ANO8: variants seen among roughly 807,000 people sequenced by gnomAD.
ANO8 encodes the protein anoctamin-8.
ANO8 carries 67 observed loss-of-function variants against 120.4 expected under a neutral mutation model. That is an observed-to-expected ratio of 0.56 (90% CI 0.46 to 0.68). The LOEUF (loss-of-function observed/expected upper bound fraction) is 0.68. Ranked by LOEUF, ANO8 falls within the 30% of genes least tolerant of loss-of-function variation. The probability of loss-of-function intolerance (pLI) is 0.00; values close to 1 mark genes in which losing one functional copy is unlikely to be tolerated. For synonymous variants in ANO8, 727 were observed against 759.2 expected (o/e 0.96, Z 0.70); for missense variants, 1,526 against 1,737.6 (o/e 0.88, Z 2.16).
Position 17,328,809 on chromosome 19 carries a change from C to G in ANO8, c.1579G>C (p.Glu527Gln). Residue 527 changes from glutamate to glutamine, a missense_variant, in exon 13 of 18, where the codon GAA becomes CAA. Coordinates refer to ENST00000159087, the MANE Select transcript of ANO8 (RefSeq NM_020959.3). ...SLRRPAPRRL[E>Q]PQADEGGGGG... ...CCCCCGCCCTCATCCGCCTGGGGTT[C>G]GAGGCGGCGGGGCGCAGGGCGCCGG... 7.1e-7 allele frequency: 1 copy of G among 1,398,998 alleles called. No homozygotes were observed. The highest frequency in any genetic ancestry group is 9.2e-7 in the Non-Finnish European group (1 of 1,081,308). The allele number at this position is 1,398,998 out of a possible 1,614,324, so 86.7% of individuals were successfully genotyped here. A position where few individuals can be genotyped will look rare whatever the true frequency, so the allele number is the denominator to read the frequency against.
At chr19:17,332,405 C>T (rs2074325924) in intron 5 of ANO8, among the ~76,000 whole-genome samples, 1 of 152,118 alleles carries the variant, frequency 6.6e-6, no homozygotes, top group African/African-American at 2.4e-5. Context: ...CGCCTGTTCC[C>T]CTGCTTTAAA....
At chr19:17,334,294 G>A (rs2145693580) in intron 1 of ANO8, among the ~76,000 whole-genome samples, 1 of 152,266 alleles carries the variant, frequency 6.6e-6, no homozygotes, top group East Asian at 1.9e-4. Context: ...CACATCCCTG[G>A]CCCGCCGCGA....
Position 17,323,923 on chromosome 19 carries a change from C to T in ANO8, c.3332-39G>A, listed in dbSNP as rs552570603. 1,178 of 1,103,724 alleles carry T rather than the reference C, an allele frequency of 1.1e-3. 3 individuals are homozygous for T. Among genetic ancestry groups the T allele is most frequent in the Admixed American group, 3.6e-3 (70 of 19,646 alleles). 68.4% of individuals were successfully genotyped at this position (1,103,724 alleles called of 1,614,324 possible). ...AGGGGCCGTTCCGGGGGGATGCCGC[C>T]CCCGCCGGACCCCGCCGGGCTGGCA... On this transcript the variant is annotated intron_variant, in intron 17 of 17. Coordinates refer to ENST00000159087, the MANE Select transcript of ANO8 (RefSeq NM_020959.3).
intron 5 of ANO8, 32 bp downstream of exon 5, chr19:17,332,898 C>T: frequency 6.2e-7 from 1 of 1,611,084 alleles, no homozygotes; most frequent in Non-Finnish European, 8.5e-7. Context: ...CAACTCTCTG[C>T]CTGTGATTGG....
intron 13 of ANO8, 88 bp from the exon 14 acceptor site, chr19:17,327,968 G>A: frequency 6.5e-7 from 1 of 1,526,940 alleles, no homozygotes; most frequent in South Asian, 1.3e-5. Flanking sequence ...ATTATCCCAT[G>A]TGGACCCAGG....
intron 16 of ANO8, 141 bp from the exon 17 acceptor site, chr19:17,325,527 C>T: frequency 8.0e-7 from 1 of 1,252,174 alleles, no homozygotes; most frequent in African/African-American, 1.5e-5. Flanking sequence ...TCCCTGCACC[C>T]ACAATGGGGG....
chr19:17,325,512 C>T (rs954455692), intron 16 of ANO8, 126 bp from the exon 17 acceptor site: 12 of 1,343,548 alleles, frequency 8.9e-6, no homozygotes, highest in Non-Finnish European at 1.2e-5. Flanking sequence ...TAGGCTCCAA[C>T]TGTATCCCTG....
chr19:17,330,776 A>G, intron 8 of ANO8, 52 bp downstream of exon 8: 1 of 1,566,858 alleles, frequency 6.4e-7, no homozygotes, highest in South Asian at 1.2e-5. Context: ...AGTGCCCCCC[A>G]CCATTTACCT....
rs1221714772 is a variant in ANO8 at position 17,331,009 on chromosome 19, G to A, written c.832-20C>T. On this transcript the variant is annotated intron_variant, in intron 7 of 17. Transcript: ENST00000159087. Reference sequence around the variant, plus strand: ...GCTTGTCTGTGAGTGGCAGAGAAGAGTTGAGTCATTGTTTGTGCCAGTCCA... The same window carrying A: ...GCTTGTCTGTGAGTGGCAGAGAAGAATTGAGTCATTGTTTGTGCCAGTCCA... 2 of 1,614,112 alleles carry A rather than the reference G, an allele frequency of 1.2e-6. No individual in the cohort carries two copies. The highest frequency in any genetic ancestry group is 3.3e-5 in the Admixed American group (2 of 60,022).
chr19:17,333,493 C>T lies in ANO8; in HGVS notation c.279G>A (p.Glu93=). Residue 93 remains glutamate (E), a synonymous_variant, in exon 3 of 18, where the codon GAG becomes GAA. Coordinates refer to ENST00000159087, the MANE Select transcript of ANO8 (RefSeq NM_020959.3). This position sits in a 1 kb window ranked among gnomAD's most constrained non-coding sequence, Gnocchi z 7.2. ...GGTGGTGGCGGACTTGCACGATGAG[C>T]TCGGGAATGCCCACGCGGATGTGGT... ...LLNHIRVGIP[E]LIVQVRHHRH... is the part of the protein sequence containing the mutation. 6.2e-7 allele frequency: 1 copy of T among 1,613,202 alleles called. No individual in the cohort carries two copies. The highest frequency in any genetic ancestry group is 8.5e-7 in the Non-Finnish European group (1 of 1,179,982).
chr19:17,323,363 GTTTCC>G lies in ANO8; in HGVS notation c.*149_*153del. 3 of 501,362 alleles carry G rather than the reference GTTTCC, an allele frequency of 6.0e-6. No individual in the cohort carries two copies. The highest frequency in any genetic ancestry group is 4.0e-5 in the Admixed American group (1 of 24,980). The allele number at this position is 501,362 out of a possible 1,614,324, so 31.1% of individuals were successfully genotyped here. A position where few individuals can be genotyped will look rare whatever the true frequency, so the allele number is the denominator to read the frequency against. On this transcript the variant is annotated 3_prime_UTR_variant, in exon 18 of 18. Transcript: ENST00000159087. ...TGTGTGTTTTCTGTTGGATTTGTGGGTTTCCTTTCGTTTGGAAAGGAAAACGGCAG... is the reference window on the plus strand; with the variant it reads ...TGTGTGTTTTCTGTTGGATTTGTGGGTTTCGTTTGGAAAGGAAAACGGCAG...
chr19:17,325,147 C>A lies in ANO8; in HGVS notation c.2901G>T (p.Gly967=). ...GHGPERPKRP[G]SLLAPNNVMK... ...TGACGTTGTTGGGTGCCAGCAGGGACCCTGGGCGCTTGGGCCGTTCAGGCC... is the reference window on the plus strand; with the variant it reads ...TGACGTTGTTGGGTGCCAGCAGGGAACCTGGGCGCTTGGGCCGTTCAGGCC... The change falls in exon 17 of 18, where the codon GGG becomes GGT. Residue 967 remains glycine, a synonymous_variant. Coordinates refer to ENST00000159087, the MANE Select transcript of ANO8 (RefSeq NM_020959.3). 1 of 1,613,588 alleles carries A rather than the reference C, an allele frequency of 6.2e-7. No homozygotes were observed. Among genetic ancestry groups the A allele is most frequent in the Non-Finnish European group, 8.5e-7 (1 of 1,179,932 alleles).
chr19:17,327,494 G>A lies in ANO8; in HGVS notation c.2494C>T (p.Arg832Cys), dbSNP rs1442294580. ...YLIGQCGQLQ[R>C]LFPWLSPEAA... is the part of the protein sequence containing the mutation. ...TCCGGGCTCAGCCAGGGGAAGAGGC[G>A]CTGCAGCTGCCCGCACTGGCCGATT... The change falls in exon 15 of 18, where the codon CGC becomes TGC. Residue 832 changes from arginine to cysteine, a missense_variant. This residue lies in a region of ANO8 where 77 missense variants were observed against 131.5 expected (regional missense o/e 0.59). Coordinates refer to ENST00000159087, the MANE Select transcript of ANO8 (RefSeq NM_020959.3). The A allele has an allele frequency of 6.2e-7, 1 of 1,613,238 alleles. No homozygotes were observed. The highest frequency in any genetic ancestry group is 1.1e-5 in the South Asian group (1 of 91,066).
rs202235096 is a variant in ANO8, at chr19:17,331,407, C to T, written c.591G>A (p.Pro197=). ...GGATGATCCCACGTGCTGCCAGCTC[C>T]GGGACTGTGGAGGGAGGAGCACAGG... ...VRFLEDQPII[P]ELAARGIIQQ... is the part of the protein sequence containing the mutation. Residue 197 remains proline (P), a synonymous_variant, in exon 6 of 18, where the codon CCG becomes CCA. Coordinates refer to ENST00000159087, the MANE Select transcript of ANO8 (RefSeq NM_020959.3). The T allele has an allele frequency of 5.0e-6, 8 of 1,613,320 alleles. No individual in the cohort carries two copies. In the Admixed American group the frequency reaches 6.7e-5, roughly 13 times the overall value.
Position 17,329,260 on chromosome 19 carries a change from G to A in ANO8, c.1405-277C>T, listed in dbSNP as rs954829967. 3 of 411,214 alleles carry A rather than the reference G, an allele frequency of 7.3e-6. No homozygotes were observed. In the East Asian group the frequency reaches 1.2e-4, roughly 17 times the overall value. 25.5% of individuals were successfully genotyped at this position (411,214 alleles called of 1,614,324 possible). On this transcript the variant is annotated intron_variant, in intron 12 of 17. Coordinates refer to ENST00000159087, the MANE Select transcript of ANO8 (RefSeq NM_020959.3). The stretch of plus-strand genomic sequence containing the variant: ...GGGCTCTGTCGGTGCACTGGGCCGC[G>A]TGCGCCCCCAGCCGCCTGCACCTGC...
Position 17,333,551 on chromosome 19 carries a change from G to A in ANO8, c.221C>T (p.Thr74Met), listed in dbSNP as rs1298740030. 5.0e-6 allele frequency: 8 copies of A among 1,612,676 alleles called. No individual in the cohort carries two copies. Among genetic ancestry groups the A allele is most frequent in the Non-Finnish European group, 6.8e-6 (8 of 1,179,944 alleles). ...NCDVLMTFPD[T>M]TDDHTLLWLL... is the part of the protein sequence containing the mutation. ...CCATAGCAGCGTGTGGTCATCGGTC[G>A]TGTCTGCCAAGGGGCACAGGGACCG... is the stretch of plus-strand genomic sequence containing the variant. Residue 74 changes from threonine to methionine, a missense_variant, in exon 3 of 18, where the codon ACG (threonine) becomes ATG (methionine). Physicochemically the swap from Thr to Met is moderately conservative, Grantham distance 81. Transcript: ENST00000159087. The surrounding 1 kb of genome is among the most constrained non-coding windows in gnomAD (Gnocchi z 7.2).
chr19:17,323,798 G>C lies in ANO8; in HGVS notation c.3418C>G (p.Arg1140Gly). 1 of 1,153,932 alleles carries C rather than the reference G, an allele frequency of 8.7e-7. No homozygotes were observed. 71.5% of individuals were successfully genotyped at this position (1,153,932 alleles called of 1,614,324 possible). The change falls in exon 18 of 18, where the codon CGG (arginine) becomes GGG (glycine). Residue 1140 changes from arginine to glycine, a missense_variant. Arg to Gly is a moderately radical substitution (Grantham distance 125). This residue lies in a region of ANO8 where 489 missense variants were observed against 548.6 expected (regional missense o/e 0.89). Coordinates refer to ENST00000159087, the MANE Select transcript of ANO8 (RefSeq NM_020959.3). ...CAGCCTGCGGGCGGTGTCGGGGGCC[G>C]GGGCAGCGGCATTGGCGGCGGCGGC... ...PAPPPPMPLPRPPTPPAGCWQ... is the reference protein window; with the variant it reads ...PAPPPPMPLPGPPTPPAGCWQ...
At position 17,333,468 on chromosome 19, in the gene ANO8, G is replaced by T; in HGVS notation, c.304C>A (p.Arg102Ser). The T allele has an allele frequency of 6.2e-7, 1 of 1,613,450 alleles. No individual in the cohort carries two copies. Among genetic ancestry groups the T allele is most frequent in the Non-Finnish European group, 8.5e-7 (1 of 1,180,000 alleles). ...PELIVQVRHH[R>S]HTRAYAFFVT... ...AAGAAGGCGTAGGCACGCGTGTGGCGGTGGTGGCGGACTTGCACGATGAGC... is the reference window on the plus strand; with the variant it reads ...AAGAAGGCGTAGGCACGCGTGTGGCTGTGGTGGCGGACTTGCACGATGAGC... Residue 102 changes from arginine (R) to serine (S), a missense_variant, in exon 3 of 18, where the codon CGC becomes AGC. This residue lies in a region of ANO8 where 322 missense variants were observed against 431.8 expected (regional missense o/e 0.75). Coordinates refer to ENST00000159087, the MANE Select transcript of ANO8 (RefSeq NM_020959.3). This position sits in a 1 kb window ranked among gnomAD's most constrained non-coding sequence, Gnocchi z 7.2.
rs775465409 is a variant in ANO8, at chr19:17,324,709, C to T, written c.3331+8G>A. The stretch of plus-strand genomic sequence containing the variant: ...CGGCGTCCCCACCCCCGAGTTAAAG[C>T]TTGTGACCTGAGCCTTCCTCTTCGG... On this transcript the variant is annotated splice_region_variant and intron_variant, in intron 17 of 17. Transcript: ENST00000159087. 3.3e-6 allele frequency: 5 copies of T among 1,519,302 alleles called. No individual in the cohort carries two copies. The highest frequency in any genetic ancestry group is 4.4e-6 in the Non-Finnish European group (5 of 1,136,020). The allele number at this position is 1,519,302 out of a possible 1,614,324, so 94.1% of individuals were successfully genotyped here. A position where few individuals can be genotyped will look rare whatever the true frequency, so the allele number is the denominator to read the frequency against.
Sources: allele counts gnomAD v4.1 joint callset (sites outside exome capture counted in the v4.1 genomes callset), GRCh38; gene constraint gnomAD v4.1.1; regional missense constraint gnomAD v4.1.1; non-coding constraint Gnocchi (gnomAD v3.1); transcripts MANE v1.5; gene names NCBI Gene and HGNC (gene_info 2026-07-23, HGNC 2026-07-21).